The following CPNE5 variants were observed in gnomAD, a reference collection of about 807,000 sequenced individuals.
The protein encoded by CPNE5 is copine 5, also known as copine-5.
Under a neutral mutation model 81.1 loss-of-function variants are expected in CPNE5, and 42 were observed. The ratio of observed to expected loss-of-function variants is 0.52; its 90% confidence interval spans 0.40 to 0.67. The LOEUF is 0.67. Among genes scored for constraint, CPNE5 ranks in the 30% least tolerant of loss-of-function variants. The probability of loss-of-function intolerance (pLI) is 0.00; values close to 1 mark genes in which losing one functional copy is unlikely to be tolerated. For missense variants in CPNE5, 612 were observed against 815.5 expected, an observed-to-expected ratio of 0.75 and a Z score of 3.04; for synonymous variants, 313 against 321.5, an observed-to-expected ratio of 0.97 and a Z score of 0.28.
intron 1 of CPNE5, among the ~76,000 whole-genome samples, chr6:36,833,416 G>A (rs1773136733): frequency 6.6e-6 from 1 of 152,226 alleles, no homozygotes; most frequent in Non-Finnish European, 1.5e-5. Flanking sequence ...CTGGGAATAT[G>A]ATAGGTTAGT....
At chr6:36,808,426 C>T (rs974555689) in intron 3 of CPNE5, among the ~76,000 whole-genome samples, 2 of 152,144 alleles carry the variant, frequency 1.3e-5, no homozygotes, top group African/African-American at 4.8e-5. Context: ...TGGGCCCCTT[C>T]TTCCTCCTCA....
chr6:36,814,999 A>G (rs996775033), intron 3 of CPNE5, among the ~76,000 whole-genome samples: 3 of 151,914 alleles, frequency 2.0e-5, no homozygotes, highest in African/African-American at 7.3e-5. Context: ...TCTCTACTAA[A>G]AATAGAAAAT....
intron 1 of CPNE5, among the ~76,000 whole-genome samples, chr6:36,832,223 C>T (rs1250605573): frequency 6.6e-6 from 1 of 152,182 alleles, no homozygotes; most frequent in African/African-American, 2.4e-5. Flanking sequence ...ATTCTAGGCT[C>T]TTGGAAAGCC....
rs185153707 is a variant in CPNE5, at chr6:36,782,632, C to T, written c.529-3675G>A. On this transcript the variant is annotated intron_variant, in intron 8 of 20. Coordinates refer to ENST00000244751, the MANE Select transcript of CPNE5 (RefSeq NM_020939.2). ...CAGCCTGACCAACATGCCAAAACCCCGTCTCTACTAAAAATACAAAAATTA... is the reference window on the plus strand; with the variant it reads ...CAGCCTGACCAACATGCCAAAACCCTGTCTCTACTAAAAATACAAAAATTA... Among the ~76,000 whole-genome samples, 254 of 152,010 alleles carry T rather than the reference C, an allele frequency of 1.7e-3. 2 individuals carry two copies. Among genetic ancestry groups the T allele is most frequent in the African/African-American group, 5.8e-3 (239 of 41,436 alleles).
At chr6:36,817,343 A>G (rs972157335) in intron 3 of CPNE5, among the ~76,000 whole-genome samples, 10 of 152,146 alleles carry the variant, frequency 6.6e-5, no homozygotes, top group African/African-American at 2.4e-4. Context: ...ATGAATAAAT[A>G]AAGCTCTGTG....
intron 2 of CPNE5, among the ~76,000 whole-genome samples, 186 bp from the exon 3 acceptor site, chr6:36,822,346 C>G (rs913335376): frequency 6.6e-6 from 1 of 151,498 alleles, no homozygotes. Flanking sequence ...GTCTGGCCCC[C>G]CAAGCCTGGA....
chr6:36,822,113 C>A lies in CPNE5; in HGVS notation c.183+1G>T. 6.5e-7 allele frequency: 1 copy of A among 1,536,740 alleles called. No individual in the cohort carries two copies. The highest frequency in any genetic ancestry group is 2.4e-5 in the East Asian group (1 of 41,262). On this transcript the variant is annotated splice_donor_variant, in intron 3 of 20. Coordinates refer to ENST00000244751, the MANE Select transcript of CPNE5 (RefSeq NM_020939.2). LOFTEE classifies it high-confidence loss of function. Reference sequence around the variant, plus strand: ...CTGGTGTGGGAAGGAGCTGCACCTACCTCCCGCCACTGCTTGTTCTCCATC... The same window carrying A: ...CTGGTGTGGGAAGGAGCTGCACCTAACTCCCGCCACTGCTTGTTCTCCATC...
chr6:36,822,797 G>A (rs1223779080), intron 2 of CPNE5, among the ~76,000 whole-genome samples: 1 of 152,150 alleles, frequency 6.6e-6, no homozygotes, highest in Non-Finnish European at 1.5e-5. Flanking sequence ...TGGTTTCTCT[G>A]GGACCCTGTA....
chr6:36,815,113 G>A (rs9462228), intron 3 of CPNE5, among the ~76,000 whole-genome samples: 5,980 of 150,644 alleles, frequency 0.04, 334 homozygotes, highest in African/African-American at 0.13. Context: ...AGCAGTGATC[G>A]TGCCATTGTA....
At chr6:36,822,944 T>C in intron 2 of CPNE5, 114 bp downstream of exon 2, 1 of 867,530 alleles carries the variant, frequency 1.2e-6, no homozygotes, top group Non-Finnish European at 1.7e-6. Context: ...TTGACACACT[T>C]TGAACGGCGC....
intron 8 of CPNE5, among the ~76,000 whole-genome samples, chr6:36,786,053 C>T (rs923122676): frequency 3.3e-5 from 5 of 150,868 alleles, no homozygotes; most frequent in Admixed American, 6.6e-5. Context: ...AGAAGGACCA[C>T]GGTACATTTA....
chr6:36,835,804 CAA>C (rs112360661), intron 1 of CPNE5, among the ~76,000 whole-genome samples: 4 of 123,526 alleles, frequency 3.2e-5, no homozygotes, highest in Non-Finnish European at 1.7e-5. Flanking sequence ...AACTCCGTCT[CAA>C]AAAAAAAAAA....
In CPNE5 at chr6:36,748,210, C is replaced by T. The variant is rs1582702667; in HGVS notation, c.1018+11G>A. On this transcript the variant is annotated intron_variant, in intron 15 of 20. Coordinates refer to ENST00000244751, the MANE Select transcript of CPNE5 (RefSeq NM_020939.2). ...CTCCCACCCTGCTCCTCTACCCATC[C>T]CCCAACTCACCATTGGAGGCAGTGA... 2 of 1,613,796 alleles carry T rather than the reference C, an allele frequency of 1.2e-6. No homozygotes were observed. Among genetic ancestry groups the T allele is most frequent in the East Asian group, 2.2e-5 (1 of 44,880 alleles).
chr6:36,798,355 G>T, intron 5 of CPNE5, 100 bp downstream of exon 5: 1 of 1,500,912 alleles, frequency 6.7e-7, no homozygotes, highest in Non-Finnish European at 9.3e-7. Flanking sequence ...ACAGGACGCA[G>T]CGTCGGACAC....
At chr6:36,786,007 C>CG (rs1206830563) in intron 8 of CPNE5, among the ~76,000 whole-genome samples, 1 of 111,636 alleles carries the variant, frequency 9.0e-6, no homozygotes, top group Non-Finnish European at 1.7e-5. Flanking sequence ...AGCAAGACTC[C>CG]GTCTCAAAAA....
intron 3 of CPNE5, among the ~76,000 whole-genome samples, chr6:36,814,656 T>G (rs1561813549): frequency 1.3e-5 from 2 of 152,088 alleles, no homozygotes; most frequent in East Asian, 1.9e-4. Flanking sequence ...CAAGCCCCTG[T>G]GTGGAGGAAG....
chr6:36,837,132 C>T (rs1479660397), intron 1 of CPNE5, among the ~76,000 whole-genome samples: 9 of 152,254 alleles, frequency 5.9e-5, no homozygotes. Context: ...ATCATTGTAG[C>T]TACTTATTGA....
At chr6:36,742,604 C>A (rs1374814906) in intron 20 of CPNE5, 118 bp from the exon 21 acceptor site, 20 of 1,354,918 alleles carry the variant, frequency 1.5e-5, no homozygotes, top group Non-Finnish European at 2.0e-5. Context: ...TTGACTCAAT[C>A]CCCCCACCTT....
chr6:36,743,175 G>T (rs1362696411), intron 20 of CPNE5: 3 of 985,388 alleles, frequency 3.0e-6, no homozygotes, highest in Non-Finnish European at 3.6e-6. Context: ...CCTCTGCAGG[G>T]GATGAGTGGG....
Sources: gnomAD v4.1 joint callset for allele counts (sites outside exome capture counted in the v4.1 genomes callset) on GRCh38, gnomAD v4.1.1 for gene constraint, MANE v1.5 for transcripts, NCBI Gene and HGNC (gene_info 2026-07-23, HGNC 2026-07-21) for gene names.